The following CAPN13 variants were observed in gnomAD, a reference collection of about 807,000 sequenced individuals.
The protein encoded by CAPN13 is calpain-13.
CAPN13 carries 90 observed loss-of-function variants against 98.4 expected under a neutral mutation model. The ratio of observed to expected loss-of-function variants is 0.92; its 90% CI spans 0.77 to 1.09. CAPN13 has a LOEUF of 1.09. CAPN13 is among the 50% of genes least tolerant of loss of function. CAPN13 has a pLI of 0.00. For missense variants in CAPN13, 887 were observed against 841.3 expected (o/e 1.05, Z -0.67); for synonymous variants, 330 against 305.5 (o/e 1.08, Z -0.84).
intron 1 of CAPN13, among the ~76,000 whole-genome samples, chr2:30,800,177 A>AAAGAAAGAAAGAAAGAAAGAAAGAAAGG (rs1675180743): frequency 6.6e-6 from 1 of 150,498 alleles, no homozygotes; most frequent in Admixed American, 6.6e-5. Context: ...AGAAAGAAAG[A>AAAGAAAGAAAGAAAGAAAGAAAGAAAGG]AAGAAAGAAA....
chr2:30,727,558 A>T (rs1016841649), intron 22 of CAPN13, among the ~76,000 whole-genome samples: 9 of 152,214 alleles, frequency 5.9e-5, no homozygotes, highest in Admixed American at 5.9e-4. Context: ...CACTGAAAAG[A>T]TGCTCAAAAT....
chr2:30,764,614 C>T (rs1042090858), intron 5 of CAPN13, among the ~76,000 whole-genome samples: 2 of 152,146 alleles, frequency 1.3e-5, no homozygotes, highest in Admixed American at 6.5e-5. Context: ...ACCTTTGCCA[C>T]GTATTTGGCT....
chr2:30,759,296 A>C (rs908703651), intron 7 of CAPN13, among the ~76,000 whole-genome samples: 1 of 151,120 alleles, frequency 6.6e-6, no homozygotes, highest in African/African-American at 2.4e-5. Context: ...ATAGTCGTGC[A>C]CTTCAGATAA....
intron 11 of CAPN13, among the ~76,000 whole-genome samples, chr2:30,749,432 T>C (rs763812095): frequency 4.6e-5 from 7 of 152,172 alleles, no homozygotes; most frequent in Non-Finnish European, 8.8e-5. Context: ...CCACAGCCAA[T>C]GCATAGGATT....
intron 2 of CAPN13, among the ~76,000 whole-genome samples, chr2:30,780,545 T>C (rs1034341700): frequency 1.3e-5 from 2 of 150,806 alleles, no homozygotes; most frequent in African/African-American, 4.9e-5. Flanking sequence ...ACTAGAACAA[T>C]AAAAGTTAAA....
chr2:30,726,177 T>G (rs1452988293), intron 22 of CAPN13, among the ~76,000 whole-genome samples: 1 of 152,202 alleles, frequency 6.6e-6, no homozygotes, highest in East Asian at 1.9e-4. Flanking sequence ...CAGAGAATAC[T>G]GACATCAAGC....
chr2:30,737,842 G>A (rs1671451453), intron 17 of CAPN13: 1 of 230,644 alleles, frequency 4.3e-6, no homozygotes, highest in Non-Finnish European at 8.8e-6. Context: ...TCAAATCTGA[G>A]CATGAGTCCT....
In CAPN13 at chr2:30,742,043, C is replaced by T. The variant is rs1671690001; in HGVS notation, c.1480-79G>A. ...ATCTGGTACAGCAAGGGTGCAACAA[C>T]CCCTGCCAAGATCTGAGAAAGAGTC... is the stretch of plus-strand genomic sequence containing the variant. On this transcript the variant is annotated intron_variant, in intron 14 of 22. Coordinates refer to ENST00000295055, the MANE Select transcript of CAPN13 (RefSeq NM_144575.3). 23 of 1,305,562 alleles carry T rather than the reference C, an allele frequency of 1.8e-5. No homozygotes were observed. The South Asian group carries it at 2.3e-4, about 13-fold the overall frequency. The allele number at this position is 1,305,562 out of a possible 1,614,324, so 80.9% of individuals were successfully genotyped here. A position where few individuals can be genotyped will look rare whatever the true frequency, so the allele number is the denominator to read the frequency against.
At chr2:30,770,135 A>C (rs990629601) in intron 5 of CAPN13, among the ~76,000 whole-genome samples, 178 bp downstream of exon 5, 3 of 152,146 alleles carry the variant, frequency 2.0e-5, no homozygotes, top group Non-Finnish European at 4.4e-5. Context: ...ACTCTTCACT[A>C]TGTGCCTGTG....
intron 18 of CAPN13, among the ~76,000 whole-genome samples, 186 bp downstream of exon 18, chr2:30,736,316 AG>A (rs1401430566): frequency 5.3e-5 from 8 of 152,180 alleles, no homozygotes; most frequent in Non-Finnish European, 1.5e-5. Context: ...CCACCTAATT[AG>A]GCATTGCCTT....
In CAPN13 at chr2:30,751,196, G is replaced by A; in HGVS notation, c.1143C>T (p.Gly381=). Residue 381 remains glycine, a synonymous_variant, in exon 11 of 23, where the codon GGC becomes GGT. Coordinates refer to ENST00000295055, the MANE Select transcript of CAPN13 (RefSeq NM_144575.3). The part of the protein sequence containing the change: ...FNFSVQEPME[G]TNVVVCVTVA... Reference sequence around the variant, plus strand: ...CTGTGACGCACACGACAACATTGGTGCCTTCCATTGGCTCTTGCACAGAGA... The same window carrying A: ...CTGTGACGCACACGACAACATTGGTACCTTCCATTGGCTCTTGCACAGAGA... 2 of 1,613,988 alleles carry A rather than the reference G, an allele frequency of 1.2e-6. No homozygotes were observed. The highest frequency in any genetic ancestry group is 1.7e-5 in the Admixed American group (1 of 60,016).
chr2:30,804,834 AC>A (rs1373522851), intron 1 of CAPN13, among the ~76,000 whole-genome samples: 1 of 152,190 alleles, frequency 6.6e-6, no homozygotes, highest in Non-Finnish European at 1.5e-5. Context: ...GATGGAATGG[AC>A]CAGCCTATCC....
At chr2:30,803,263 A>G (rs1211939021) in intron 1 of CAPN13, among the ~76,000 whole-genome samples, 2 of 152,326 alleles carry the variant, frequency 1.3e-5, no homozygotes, top group East Asian at 3.9e-4. Flanking sequence ...CAGACCTTTG[A>G]GAACCAGTGG....
intron 10 of CAPN13, among the ~76,000 whole-genome samples, chr2:30,752,673 G>A (rs1672233873): frequency 6.6e-6 from 1 of 152,214 alleles, no homozygotes; most frequent in Non-Finnish European, 1.5e-5. Context: ...AGGCCAGTAT[G>A]TGGCAAAGAC....
At chr2:30,757,683 C>T (rs1170821454) in intron 8 of CAPN13, among the ~76,000 whole-genome samples, 12 of 152,182 alleles carry the variant, frequency 7.9e-5, no homozygotes, top group African/African-American at 2.2e-4. Flanking sequence ...CTTGGCAAGT[C>T]GGGGCTTGGC....
chr2:30,777,531 T>C, intron 3 of CAPN13, 36 bp downstream of exon 3: 1 of 1,535,316 alleles, frequency 6.5e-7, no homozygotes, highest in Non-Finnish European at 8.8e-7. Flanking sequence ...CACCACTTCC[T>C]ATCCAGGGCA....
intron 5 of CAPN13, among the ~76,000 whole-genome samples, chr2:30,767,394 C>G (rs1673166265): frequency 1.3e-5 from 2 of 152,140 alleles, no homozygotes; most frequent in Admixed American, 6.5e-5. Context: ...GGTCCACGTT[C>G]CTATTTCTTT....
intron 4 of CAPN13, among the ~76,000 whole-genome samples, chr2:30,772,850 C>T (rs1274502764): frequency 8.0e-5 from 12 of 150,216 alleles, no homozygotes; most frequent in Non-Finnish European, 1.5e-4. Context: ...GACGGAGTCT[C>T]GCCCTGTTGC....
intron 2 of CAPN13, among the ~76,000 whole-genome samples, chr2:30,781,892 G>C: frequency 6.6e-6 from 1 of 152,162 alleles, no homozygotes; most frequent in East Asian, 1.9e-4. Context: ...ATATTTACTA[G>C]CAATAAATAT....
Sources: allele counts gnomAD v4.1 joint callset (sites outside exome capture counted in the v4.1 genomes callset), GRCh38; gene constraint gnomAD v4.1.1; transcripts MANE v1.5; gene names NCBI Gene and HGNC (gene_info 2026-07-23, HGNC 2026-07-21).